ABCA5: variants seen among roughly 807,000 people sequenced by gnomAD.
ABCA5 encodes the protein cholesterol transporter ABCA5.
In ABCA5, 163 loss-of-function variants were observed where a neutral mutation model predicts 206.0. The observed-to-expected ratio is 0.79, with a 90% CI of 0.70 to 0.90. ABCA5 has a LOEUF of 0.90. ABCA5 is among the 40% of genes least tolerant of loss of function. ABCA5 has a pLI of 0.00. For missense variants in ABCA5, 1,859 were observed against 1,912.9 expected (o/e 0.97, Z 0.53); for synonymous variants, 609 against 613.8 (o/e 0.99, Z 0.11).
chr17:69,310,555 T>A (rs1035203559), intron 3 of ABCA5, among the ~76,000 whole-genome samples: 1 of 152,188 alleles, frequency 6.6e-6, no homozygotes, highest in African/African-American at 2.4e-5. Flanking sequence ...ATGACACAAC[T>A]CCTCCTTAAA....
intron 34 of ABCA5, 71 bp from the exon 35 acceptor site, chr17:69,251,937 T>C: frequency 1.9e-6 from 3 of 1,546,590 alleles, no homozygotes; most frequent in Non-Finnish European, 2.6e-6. Flanking sequence ...TTTTTAAAAA[T>C]CCAACCGGTT....
At chr17:69,325,700 T>A (rs1194937302) in intron 1 of ABCA5, 2 of 152,104 alleles carry the variant, frequency 1.3e-5, no homozygotes, top group South Asian at 4.1e-4. Context: ...AAAAATTACC[T>A]GGGCGCAGTG....
At chr17:69,314,494 A>T (rs763895056) in intron 1 of ABCA5, 64 bp from the exon 2 acceptor site, 59 of 979,246 alleles carry the variant, frequency 6.0e-5, no homozygotes, top group Non-Finnish European at 9.1e-5. Flanking sequence ...TGTAATTTTT[A>T]ACGGCAAAAT....
intron 23 of ABCA5, among the ~76,000 whole-genome samples, chr17:69,267,579 CAGTTA>C (rs2075225147): frequency 6.6e-6 from 1 of 152,038 alleles, no homozygotes; most frequent in African/African-American, 2.4e-5. Flanking sequence ...GTTAGTTTGC[CAGTTA>C]AGAACATAAA....
intron 1 of ABCA5, chr17:69,318,670 C>A: frequency 4.8e-6 from 2 of 420,124 alleles, no homozygotes; most frequent in Non-Finnish European, 4.3e-6. Context: ...ATAGAAGATA[C>A]ATTAAAATAA....
Position 69,307,496 on chromosome 17 carries a change from T to C in ABCA5, c.559-542A>G, listed in dbSNP as rs188060633. 8.3e-4 allele frequency among the ~76,000 whole-genome samples: 126 copies of C among 152,202 alleles called. No homozygotes were observed. In the Middle Eastern group the frequency reaches 0.01, roughly 12 times the overall value. ...AAATCTATCCTGCCTATTCATCCAG[T>C]GTGGTCTGTGCTGTGGATGGCTAAA... On this transcript the variant is annotated intron_variant, in intron 5 of 38. Transcript: ENST00000392676.
intron 9 of ABCA5, among the ~76,000 whole-genome samples, chr17:69,299,147 C>T (rs944570563): frequency 2.6e-5 from 4 of 151,958 alleles, no homozygotes; most frequent in African/African-American, 9.7e-5. Context: ...TGGCCATTAT[C>T]GAAACATCAA....
chr17:69,266,078 A>AT (rs1381570179), intron 23 of ABCA5, among the ~76,000 whole-genome samples: 7 of 152,210 alleles, frequency 4.6e-5, no homozygotes, highest in African/African-American at 1.7e-4. Context: ...ATACCATGGA[A>AT]TATTACTCAG....
chr17:69,289,048 T>C (rs564119150), intron 14 of ABCA5, 129 bp downstream of exon 14: 2 of 882,822 alleles, frequency 2.3e-6, no homozygotes, highest in South Asian at 5.7e-5. Context: ...ACTATGATTA[T>C]ATCCATAATA....
At chr17:69,264,978 T>C in intron 23 of ABCA5, 73 bp from the exon 24 acceptor site, 1 of 1,081,198 alleles carries the variant, frequency 9.2e-7, no homozygotes. Context: ...AGTAAATTAT[T>C]GTAGATCTCT....
At chr17:69,290,339 T>C (rs1313223964) in intron 12 of ABCA5, among the ~76,000 whole-genome samples, 1 of 152,136 alleles carries the variant, frequency 6.6e-6, no homozygotes, top group Non-Finnish European at 1.5e-5. Context: ...GTAACAATTT[T>C]CTAGACACTG....
In ABCA5 at chr17:69,283,995, C is replaced by T. The variant is rs150760061; in HGVS notation, c.2350G>A (p.Val784Ile). Reference sequence around the variant, plus strand: ...GCTTCAACTTCTAGCTTTAAAAATACGTCTTCCAAAGTCGTCATGGAAACA... The same window carrying T: ...GCTTCAACTTCTAGCTTTAAAAATATGTCTTCCAAAGTCGTCATGGAAACA... The part of the protein sequence containing the change: ...YGVSMTTLED[V>I]FLKLEVEAEI... The change falls in exon 18 of 39, where the codon GTA becomes ATA. Residue 784 changes from valine to isoleucine, a missense_variant. By Grantham distance (29) the Val-to-Ile change is conservative (BLOSUM62 3). Transcript: ENST00000392676. 3.0e-5 allele frequency: 48 copies of T among 1,606,824 alleles called. 1 individual carries two copies. The highest frequency in any genetic ancestry group is 1.7e-4 in the Middle Eastern group (1 of 6,056).
chr17:69,277,837 T>C lies in ABCA5; in HGVS notation c.2398A>G (p.Ser800Gly), dbSNP rs1257886848. 6.6e-7 allele frequency: 1 copy of C among 1,519,284 alleles called. No individual in the cohort carries two copies. Among genetic ancestry groups the C allele is most frequent in the Non-Finnish European group, 8.8e-7 (1 of 1,136,444 alleles). The allele number at this position is 1,519,284 out of a possible 1,614,324, so 94.1% of individuals were successfully genotyped here. A position where few individuals can be genotyped will look rare whatever the true frequency, so the allele number is the denominator to read the frequency against. The stretch of plus-strand genomic sequence containing the variant: ...TCCAGTGGCTGCTGAGTAAATACAC[T>C]ATAATCTATTTGCCAAAACAAAACA... Reference protein sequence around the residue: ...VEAEIDQADYSVFTQQPLEEE... With the variant: ...VEAEIDQADYGVFTQQPLEEE... The change falls in exon 19 of 39, where the codon AGT (serine) becomes GGT (glycine). Residue 800 changes from serine (S) to glycine (G), a missense_variant. By Grantham distance (56) the Ser-to-Gly change is moderately conservative (BLOSUM62 0). Transcript: ENST00000392676.
chr17:69,256,789 G>T (rs925071601), intron 28 of ABCA5, among the ~76,000 whole-genome samples: 4 of 151,792 alleles, frequency 2.6e-5, no homozygotes, highest in African/African-American at 4.8e-5. Context: ...GATAACATTT[G>T]GACGATATTA....
chr17:69,255,752 G>A lies in ABCA5; in HGVS notation c.3957C>T (p.Ile1319=), dbSNP rs760526804. The A allele has an allele frequency of 1.3e-6, 2 of 1,592,846 alleles. No individual in the cohort carries two copies. The highest frequency in any genetic ancestry group is 1.4e-5 in the African/African-American group (1 of 73,338). The change falls in exon 30 of 39, where the codon ATC becomes ATT. Residue 1319 remains isoleucine (I), a synonymous_variant. Coordinates refer to ENST00000392676, the MANE Select transcript of ABCA5 (RefSeq NM_172232.4). ...RKVKKVATKY[I]SFCVKKGEIL... ...ACCAGCCTTTTTTCACACAGAAAGA[G>A]ATGTATTTAGTTGCCACTTTCTTTA...
intron 11 of ABCA5, among the ~76,000 whole-genome samples, chr17:69,292,634 T>C (rs970384243): frequency 6.6e-6 from 1 of 152,208 alleles, no homozygotes; most frequent in Non-Finnish European, 1.5e-5. Context: ...GTTGTAATTG[T>C]TATTACAATT....
chr17:69,271,055 C>G, intron 21 of ABCA5, 107 bp downstream of exon 21: 12 of 1,334,312 alleles, frequency 9.0e-6, no homozygotes, highest in Non-Finnish European at 1.2e-5. Flanking sequence ...AAAGTAAAAT[C>G]TAATTTCTAA....
rs2075270796 is a variant in ABCA5, at chr17:69,271,264, G to C, written c.2790C>G (p.Ser930Arg). ...SADSDISDLI[S>R]FFTSQNIMVT... The stretch of plus-strand genomic sequence containing the variant: ...CCATTATGTTCTGGCTTGTGAAAAA[G>C]CTAATAAGATCACTGATATCTGAGT... The change falls in exon 21 of 39, where the codon AGC (serine) becomes AGG (arginine). Residue 930 changes from serine (S) to arginine (R), a missense_variant. Coordinates refer to ENST00000392676, the MANE Select transcript of ABCA5 (RefSeq NM_172232.4). The C allele has an allele frequency of 6.2e-7, 1 of 1,612,398 alleles. No individual in the cohort carries two copies. Among genetic ancestry groups the C allele is most frequent in the African/African-American group, 1.3e-5 (1 of 74,942 alleles).
At chr17:69,289,321 G>A in intron 13 of ABCA5, 25 bp from the exon 14 acceptor site, 3 of 1,478,136 alleles carry the variant, frequency 2.0e-6, no homozygotes, top group Non-Finnish European at 2.7e-6. Context: ...CATGAACAAT[G>A]TTATTTTAAA....
Sources: allele counts gnomAD v4.1 joint callset (sites outside exome capture counted in the v4.1 genomes callset), GRCh38; gene constraint gnomAD v4.1.1; transcripts MANE v1.5; gene names NCBI Gene and HGNC (gene_info 2026-07-23, HGNC 2026-07-21).